PRKCQ: variants seen among roughly 807,000 people sequenced by gnomAD.
PRKCQ encodes the protein protein kinase C theta.
In PRKCQ, 41 loss-of-function variants were observed where a neutral mutation model predicts 91.2. That is an observed-to-expected ratio of 0.45 (90% CI 0.35 to 0.58). The LOEUF (loss-of-function observed/expected upper bound fraction) is 0.58. PRKCQ is among the 20% of genes least tolerant of loss of function. The pLI is 0.00. For synonymous variants in PRKCQ, 307 were observed against 316.9 expected, an observed-to-expected ratio of 0.97 and a Z score of 0.33; for missense variants, 673 against 896.5, an observed-to-expected ratio of 0.75 and a Z score of 3.18.
At chr10:6,493,014 C>T (rs1198144088) in intron 7 of PRKCQ, among the ~76,000 whole-genome samples, 1 of 152,126 alleles carries the variant, frequency 6.6e-6, no homozygotes, top group East Asian at 1.9e-4. Flanking sequence ...AAATAATTTT[C>T]GGGACTCACT....
intron 1 of PRKCQ, chr10:6,515,493 T>C: frequency 6.1e-6 from 6 of 985,364 alleles, no homozygotes; most frequent in Non-Finnish European, 7.2e-6. Flanking sequence ...GTTATTCAAG[T>C]AGGTGCCCAG....
chr10:6,520,831 C>A (rs890499128), intron 1 of PRKCQ, among the ~76,000 whole-genome samples: 1 of 152,192 alleles, frequency 6.6e-6, no homozygotes, highest in Non-Finnish European at 1.5e-5. Flanking sequence ...AATGTGGGGA[C>A]TTATAGAGCC....
At chr10:6,460,861 AT>A (rs1033285189) in intron 14 of PRKCQ, among the ~76,000 whole-genome samples, 1 of 150,386 alleles carries the variant, frequency 6.6e-6, no homozygotes, top group Non-Finnish European at 1.5e-5. Context: ...CCATCCAACC[AT>A]CTGTTCAATT....
At chr10:6,536,612 T>C (rs564334414) in intron 1 of PRKCQ, among the ~76,000 whole-genome samples, 2 of 152,292 alleles carry the variant, frequency 1.3e-5, no homozygotes, top group African/African-American at 4.8e-5. Flanking sequence ...CCTTCTCCTC[T>C]TCCTCCAGCC....
chr10:6,511,501 C>G (rs1838474311), intron 2 of PRKCQ, among the ~76,000 whole-genome samples: 1 of 152,192 alleles, frequency 6.6e-6, no homozygotes. Context: ...CTGCTCACCG[C>G]ACAGAAAGCC....
Position 6,510,979 on chromosome 10 carries a change from C to A in PRKCQ, c.318+16G>T. On this transcript the variant is annotated intron_variant, in intron 3 of 17. Coordinates refer to ENST00000263125, the MANE Select transcript of PRKCQ (RefSeq NM_006257.5). ...CATGCTTATCCCTTATGTGCATACA[C>A]TTTATGCAACGTTACCCATATTTCT... The A allele has an allele frequency of 6.2e-7, 1 of 1,613,330 alleles. No individual in the cohort carries two copies. Among genetic ancestry groups the A allele is most frequent in the Non-Finnish European group, 8.5e-7 (1 of 1,179,294 alleles).
rs367718623 is a variant in PRKCQ at position 6,479,117 on chromosome 10, C to T, written c.1228G>A (p.Ala410Thr). 7.4e-6 allele frequency: 12 copies of T among 1,613,980 alleles called. No individual in the cohort carries two copies. Among genetic ancestry groups the T allele is most frequent in the Admixed American group, 1.7e-5 (1 of 60,000 alleles). ...ATCAAGACCACATCTTTCTTTAAGGCCTTTATTGCGAAAAATTGATTGGTT... is the reference window on the plus strand; with the variant it reads ...ATCAAGACCACATCTTTCTTTAAGGTCTTTATTGCGAAAAATTGATTGGTT... The part of the protein sequence containing the change: ...KKTNQFFAIK[A>T]LKKDVVLMDD... The change falls in exon 12 of 18, where the codon GCC becomes ACC. Residue 410 changes from alanine to threonine, a missense_variant. Coordinates refer to ENST00000263125, the MANE Select transcript of PRKCQ (RefSeq NM_006257.5).
intron 1 of PRKCQ, among the ~76,000 whole-genome samples, chr10:6,524,987 C>T (rs939629736): frequency 6.6e-6 from 1 of 152,162 alleles, no homozygotes; most frequent in Non-Finnish European, 1.5e-5. Flanking sequence ...AGCTTTTAGC[C>T]CACATTACAG....
intron 1 of PRKCQ, among the ~76,000 whole-genome samples, chr10:6,560,424 T>C (rs1195978639): frequency 6.6e-6 from 1 of 152,196 alleles, no homozygotes; most frequent in African/African-American, 2.4e-5. Context: ...CAGCTTCTTC[T>C]TCCCCTCCAT....
chr10:6,509,717 C>T (rs1051492116), intron 3 of PRKCQ, among the ~76,000 whole-genome samples: 1 of 152,190 alleles, frequency 6.6e-6, no homozygotes, highest in African/African-American at 2.4e-5. Flanking sequence ...CCCCAGGAAC[C>T]CTTTTCCCAA....
intron 1 of PRKCQ, among the ~76,000 whole-genome samples, chr10:6,546,092 T>C (rs1839942096): frequency 6.6e-6 from 1 of 152,336 alleles, no homozygotes; most frequent in South Asian, 2.1e-4. Flanking sequence ...TTCAAGTGAA[T>C]TGTCCGAGGA....
rs7067763 is a variant in PRKCQ, at chr10:6,553,506, A to C, written c.-10+26705T>G. The stretch of plus-strand genomic sequence containing the variant: ...CCCTGTCTCAAAAAAAAAAAAAAAA[A>C]AAAAAAAAAAACAAACAAACAAAAG... On this transcript the variant is annotated intron_variant, in intron 1 of 17. Transcript: ENST00000263125. Among the ~76,000 whole-genome samples the C allele has an allele frequency of 1.6e-3, 115 of 73,150 alleles. 5 individuals carry two copies. The highest frequency in any genetic ancestry group is 3.5e-3 in the African/African-American group (109 of 30,714). 48.0% of individuals were successfully genotyped at this position (73,150 alleles called of 152,430 possible). A position where few individuals can be genotyped will look rare whatever the true frequency, so the allele number is the denominator to read the frequency against.
downstream of PRKCQ, chr10:6,427,111 G>C (rs557481547): frequency 6.6e-6 from 1 of 152,110 alleles, no homozygotes; most frequent in East Asian, 1.9e-4. Flanking sequence ...AAGTTCTTGT[G>C]GGGGGCAAGC....
At chr10:6,519,756 T>A (rs1838922285) in intron 1 of PRKCQ, among the ~76,000 whole-genome samples, 1 of 152,160 alleles carries the variant, frequency 6.6e-6, no homozygotes, top group Non-Finnish European at 1.5e-5. Context: ...GAACATGGGA[T>A]GTATGTTGGA....
At chr10:6,489,127 C>T (rs1837122098) in intron 8 of PRKCQ, among the ~76,000 whole-genome samples, 1 of 151,828 alleles carries the variant, frequency 6.6e-6, no homozygotes, top group Non-Finnish European at 1.5e-5. Flanking sequence ...TGATTGTGCT[C>T]CAAATTCCAC....
chr10:6,541,983 C>A (rs763033970), intron 1 of PRKCQ, among the ~76,000 whole-genome samples: 3 of 152,104 alleles, frequency 2.0e-5, no homozygotes, highest in Non-Finnish European at 2.9e-5. Context: ...AGCAATTCTG[C>A]GCTATTTAAG....
In PRKCQ at chr10:6,430,950, C is replaced by G. The variant is rs1373124489; in HGVS notation, c.1837-12G>C. 22 of 1,613,136 alleles carry G rather than the reference C, an allele frequency of 1.4e-5. 1 individual carries two copies. Among genetic ancestry groups the G allele is most frequent in the Non-Finnish European group, 1.9e-5 (22 of 1,179,576 alleles). On this transcript the variant is annotated splice_polypyrimidine_tract_variant and intron_variant, in intron 16 of 17. Transcript: ENST00000263125. This position sits in a 1 kb window ranked among gnomAD's most constrained non-coding sequence, Gnocchi z 4.7. The stretch of plus-strand genomic sequence containing the variant: ...TCTCGCACGAAGAGCTGAAAGGGAG[C>G]AGAGCAGGAGCCCTGAGGTCTCCAG...
At chr10:6,423,734 G>T (rs1345972285), downstream of PRKCQ, among the ~76,000 whole-genome samples, 1 of 152,156 alleles carries the variant, frequency 6.6e-6, no homozygotes, top group African/African-American at 2.4e-5. Flanking sequence ...CCATCCCTTT[G>T]GCTGCCTTGT....
intron 4 of PRKCQ, among the ~76,000 whole-genome samples, 167 bp downstream of exon 4, chr10:6,507,269 T>G (rs953580037): frequency 2.0e-5 from 3 of 152,224 alleles, no homozygotes; most frequent in Non-Finnish European, 4.4e-5. Context: ...GCCCAGATAG[T>G]GTCTTTTAAA....
Sources: gnomAD v4.1 joint callset for allele counts (sites outside exome capture counted in the v4.1 genomes callset) on GRCh38, gnomAD v4.1.1 for gene constraint, Gnocchi (gnomAD v3.1) non-coding constraint, MANE v1.5 for transcripts, NCBI Gene and HGNC (gene_info 2026-07-23, HGNC 2026-07-21) for gene names.